Variants in NIBAN3 observed in about 807,000 individuals in gnomAD.
NIBAN3 encodes the protein niban apoptosis regulator 3, also known as protein Niban 3.
Under a neutral mutation model 76.4 loss-of-function variants are expected in NIBAN3, and 66 were observed. The observed-to-expected ratio is 0.86, with a 90% confidence interval of 0.71 to 1.06. NIBAN3 has a LOEUF of 1.06. NIBAN3 is among the 50% of genes least tolerant of loss of function. The probability of loss-of-function intolerance (pLI) is 0.00; values close to 1 mark genes in which losing one functional copy is unlikely to be tolerated. For synonymous variants in NIBAN3, 360 were observed against 355.2 expected (o/e 1.01, Z -0.15); for missense variants, 808 against 810.7 (o/e 1.00, Z 0.04).
At chr19:17,553,893 C>T (rs1417873960), downstream of NIBAN3, 4 of 151,778 alleles carry the variant, frequency 2.6e-5, no homozygotes, top group Admixed American at 8.0e-5. Flanking sequence ...TTTTTTGAGA[C>T]GGTGTCTCAC....
intron 14 of NIBAN3, among the ~76,000 whole-genome samples, chr19:17,551,262 C>G (rs1268031810): frequency 7.0e-6 from 1 of 142,752 alleles, no homozygotes; most frequent in African/African-American, 2.6e-5. Flanking sequence ...CGCCCGGCTA[C>G]TTTTGTATTT....
chr19:17,554,010 AC>A (rs2076193947), downstream of NIBAN3, among the ~76,000 whole-genome samples: 1 of 151,366 alleles, frequency 6.6e-6, no homozygotes. Context: ...AGCTGGGATT[AC>A]AGGCGAAGCG....
upstream of NIBAN3, chr19:17,523,579 C>T (rs1017669793): frequency 5.2e-6 from 4 of 762,042 alleles, no homozygotes; most frequent in African/African-American, 7.1e-5. Flanking sequence ...ATTGAGCTGC[C>T]AGCACAGGGA....
intron 9 of NIBAN3, among the ~76,000 whole-genome samples, chr19:17,540,990 C>T (rs1192330717): frequency 6.6e-6 from 1 of 152,174 alleles, no homozygotes; most frequent in Non-Finnish European, 1.5e-5. Flanking sequence ...CCTGCATTGG[C>T]CTCCCAAAGT....
At chr19:17,529,800 C>A (rs1201678111) in intron 1 of NIBAN3, among the ~76,000 whole-genome samples, 4 of 152,186 alleles carry the variant, frequency 2.6e-5, no homozygotes, top group Admixed American at 2.6e-4. Flanking sequence ...GTGGCTCAAT[C>A]TGTATTCCCA....
intron 8 of NIBAN3, 147 bp from the exon 9 acceptor site, chr19:17,540,245 T>A: frequency 1.8e-6 from 1 of 544,638 alleles, no homozygotes. Context: ...GGCCCGCCCC[T>A]CCGAGGCTCA....
rs1338662318 is a variant in NIBAN3 at position 17,527,351 on chromosome 19, G to A, written c.11G>A (p.Arg4Gln). 18 of 1,549,538 alleles carry A rather than the reference G, an allele frequency of 1.2e-5. No homozygotes were observed. The highest frequency in any genetic ancestry group is 2.4e-5 in the South Asian group (2 of 83,890). The change falls in exon 1 of 15, where the codon CGG (arginine) becomes CAG (glutamine). Residue 4 changes from arginine (R) to glutamine (Q), a missense_variant. Transcript: ENST00000599164. ...GGAGACGACAGCAGCATGGGTGGGC[G>A]GCCTTCGAGCCCTCTGGACAAGCAG... MGG[R>Q]PSSPLDKQQR...
rs550942065 is a variant in NIBAN3, at chr19:17,542,537, G to C, written c.1329+243G>C. ...TCTGGGGTTGACAGGACTTTCAGGAGGAGGGGACTTCCAACATGGGAGAGC... is the reference window on the plus strand; with the variant it reads ...TCTGGGGTTGACAGGACTTTCAGGACGAGGGGACTTCCAACATGGGAGAGC... On this transcript the variant is annotated intron_variant, in intron 10 of 14. Coordinates refer to ENST00000599164, the MANE Select transcript of NIBAN3 (RefSeq NM_001321827.2). The surrounding 1 kb of genome is among the most constrained non-coding windows in gnomAD (Gnocchi z 4.8). Among the ~76,000 whole-genome samples the C allele has an allele frequency of 6.6e-6, 1 of 152,380 alleles. No homozygotes were observed. The highest frequency in any genetic ancestry group is 2.1e-4 in the South Asian group (1 of 4,830).
chr19:17,542,577 C>T lies in NIBAN3; in HGVS notation c.1329+283C>T, dbSNP rs1159769800. Among the ~76,000 whole-genome samples the T allele has an allele frequency of 3.9e-5, 6 of 152,174 alleles. No individual in the cohort carries two copies. The highest frequency in any genetic ancestry group is 4.8e-5 in the African/African-American group (2 of 41,450). ...CATGGGAGAGCAATGGGAGGAATGG[C>T]GTTGCCACCAGTCCCGAGTGAATAG... On this transcript the variant is annotated intron_variant, in intron 10 of 14. Transcript: ENST00000599164. The surrounding 1 kb of genome is among the most constrained non-coding windows in gnomAD (Gnocchi z 4.8).
chr19:17,543,419 G>T lies in NIBAN3; in HGVS notation c.1432G>T (p.Gly478Trp), dbSNP rs2075991429. 6.2e-7 allele frequency: 1 copy of T among 1,613,490 alleles called. No homozygotes were observed. The highest frequency in any genetic ancestry group is 1.7e-5 in the Admixed American group (1 of 59,984). Reference sequence around the variant, plus strand: ...TGCCCAGAGGCTGGAGAGAGTCAGGGGGCGCGTGCTGAAGGTGTGTTCTGT... The same window carrying T: ...TGCCCAGAGGCTGGAGAGAGTCAGGTGGCGCGTGCTGAAGGTGTGTTCTGT... Reference protein sequence around the residue: ...QAAQRLERVRGRVLKKFKSDS... With the variant: ...QAAQRLERVRWRVLKKFKSDS... Residue 478 changes from glycine (G) to tryptophan (W), a missense_variant, in exon 11 of 15, where the codon GGG becomes TGG. Physicochemically the swap from Gly to Trp is radical, Grantham distance 184. Transcript: ENST00000599164.
chr19:17,527,947 A>G (rs1467993182), intron 1 of NIBAN3, among the ~76,000 whole-genome samples: 1 of 151,132 alleles, frequency 6.6e-6, no homozygotes, highest in Admixed American at 6.6e-5. Context: ...TCCCACATCA[A>G]CCTCCCAAAG....
chr19:17,549,822 C>G, intron 14 of NIBAN3: 2 of 431,832 alleles, frequency 4.6e-6, no homozygotes, highest in Non-Finnish European at 8.4e-6. Flanking sequence ...CTCTCTCTCT[C>G]TCTCTTTTTT....
In NIBAN3 at chr19:17,537,557, C is replaced by T. The variant is rs773265775; in HGVS notation, c.595+14C>T. On this transcript the variant is annotated intron_variant, in intron 5 of 14. Transcript: ENST00000599164. ...TTCAGGGCATAGGTGGGTCTCAGGA[C>T]GGGTCAGACATTTGTGGGGCTAATG... The T allele has an allele frequency of 2.8e-5, 44 of 1,570,154 alleles. No individual in the cohort carries two copies. The South Asian group carries it at 3.0e-4, about 11-fold the overall frequency.
At chr19:17,536,579 A>G (rs2075828103) in intron 4 of NIBAN3, among the ~76,000 whole-genome samples, 1 of 151,812 alleles carries the variant, frequency 6.6e-6, no homozygotes, top group African/African-American at 2.4e-5. Flanking sequence ...ATTTCTTTTC[A>G]TATACTTATG....
At chr19:17,549,707 G>A (rs1465607709) in intron 14 of NIBAN3, 180 bp downstream of exon 14, 2 of 664,876 alleles carry the variant, frequency 3.0e-6, no homozygotes, top group Middle Eastern at 4.8e-4. Context: ...GGGAAGTTGT[G>A]GAGTGCATCT....
intron 13 of NIBAN3, among the ~76,000 whole-genome samples, chr19:17,547,340 G>A (rs758298603): frequency 4.6e-5 from 6 of 129,264 alleles, no homozygotes; most frequent in African/African-American, 1.7e-4. Flanking sequence ...GCGACAGAAC[G>A]AGACTATGTC....
At chr19:17,531,890 T>C (rs1405924955) in intron 2 of NIBAN3, among the ~76,000 whole-genome samples, 1 of 152,162 alleles carries the variant, frequency 6.6e-6, no homozygotes, top group Admixed American at 6.5e-5. Flanking sequence ...CTTCACCCCT[T>C]TGGTAGACAG....
intron 9 of NIBAN3, among the ~76,000 whole-genome samples, chr19:17,540,897 C>T (rs2075938070): frequency 6.6e-6 from 1 of 152,170 alleles, no homozygotes; most frequent in South Asian, 2.1e-4. Flanking sequence ...CCAAGCCCAG[C>T]TAATTTTTTA....
Position 17,543,628 on chromosome 19 carries a change from A to G in NIBAN3, c.1551A>G (p.Lys517=). Reference sequence around the variant, plus strand: ...TGAGCCAACTCGAGCCAGGCTGCAAAAAGGTGAGTTAATGGGAAGTGTGCA... The same window carrying G: ...TGAGCCAACTCGAGCCAGGCTGCAAGAAGGTGAGTTAATGGGAAGTGTGCA... ...FVLSQLEPGC[K]KELPEFEGDV... is the part of the protein sequence containing the mutation. Residue 517 remains lysine (K), a synonymous_variant, in exon 12 of 15, where the codon AAA becomes AAG. Coordinates refer to ENST00000599164, the MANE Select transcript of NIBAN3 (RefSeq NM_001321827.2). The G allele has an allele frequency of 6.2e-7, 1 of 1,612,456 alleles. No homozygotes were observed.
Sources: allele counts gnomAD v4.1 joint callset (sites outside exome capture counted in the v4.1 genomes callset), GRCh38; gene constraint gnomAD v4.1.1; non-coding constraint Gnocchi (gnomAD v3.1); transcripts MANE v1.5; gene names NCBI Gene and HGNC (gene_info 2026-07-23, HGNC 2026-07-21).